RXRA: variants seen among roughly 807,000 people sequenced by gnomAD.
RXRA encodes the protein retinoid X receptor alpha, also known as retinoic acid receptor RXR-alpha.
Under a neutral mutation model 44.5 loss-of-function variants are expected in RXRA, and 5 were observed. The observed-to-expected ratio is 0.11, with a 90% confidence interval of 0.06 to 0.24. The LOEUF (loss-of-function observed/expected upper bound fraction) is 0.24. Among genes scored for constraint, RXRA ranks in the 10% least tolerant of loss-of-function variants. RXRA has a pLI of 1.00. For synonymous variants in RXRA, 291 were observed against 271.4 expected (o/e 1.07, Z -0.71); for missense variants, 412 against 646.5 (o/e 0.64, Z 3.93).
At chr9:134,347,862 TG>T (rs1221377782) in intron 1 of RXRA, among the ~76,000 whole-genome samples, 3 of 152,206 alleles carry the variant, frequency 2.0e-5, no homozygotes, top group Admixed American at 6.5e-5. Context: ...CCAGAGGTGC[TG>T]GGCCTGTCCT....
At chr9:134,341,207 C>T (rs1830081575) in intron 1 of RXRA, among the ~76,000 whole-genome samples, 1 of 152,230 alleles carries the variant, frequency 6.6e-6, no homozygotes, top group Non-Finnish European at 1.5e-5. Flanking sequence ...TCGTTCCCTG[C>T]ACCCCAGTGC....
intron 4 of RXRA, among the ~76,000 whole-genome samples, 183 bp downstream of exon 4, chr9:134,409,302 G>GCA (rs1831109398): frequency 6.6e-6 from 1 of 152,252 alleles, no homozygotes; most frequent in Admixed American, 6.5e-5. Flanking sequence ...CAGAGCGTGG[G>GCA]CACACATGGG....
intron 1 of RXRA, among the ~76,000 whole-genome samples, chr9:134,383,598 A>G (rs1339815903): frequency 2.6e-5 from 4 of 151,646 alleles, no homozygotes; most frequent in African/African-American, 9.7e-5. Flanking sequence ...GAGGCTTCGC[A>G]CCTCCCACTC....
chr9:134,355,080 G>A (rs1001703204), intron 1 of RXRA, among the ~76,000 whole-genome samples: 35 of 152,248 alleles, frequency 2.3e-4, no homozygotes, highest in Admixed American at 1.6e-3. Flanking sequence ...GGGATGCGGT[G>A]GCTCAGCTCC....
At position 134,343,900 on chromosome 9, in the gene RXRA, C is replaced by T. The variant is rs573010705; in HGVS notation, c.28+17241C>T. Among the ~76,000 whole-genome samples, 17 of 152,294 alleles carry T rather than the reference C, an allele frequency of 1.1e-4. No individual in the cohort carries two copies. Among genetic ancestry groups the T allele is most frequent in the African/African-American group, 3.1e-4 (13 of 41,568 alleles). On this transcript the variant is annotated intron_variant, in intron 1 of 9. Coordinates refer to ENST00000481739, the MANE Select transcript of RXRA (RefSeq NM_002957.6). This position sits in a 1 kb window ranked among gnomAD's most constrained non-coding sequence, Gnocchi z 4.1. ...CTCTGGCGTCTTCTCACCTTCTGGC[C>T]GGTCATTGGCCCTCGTGGCCCTACC...
chr9:134,356,288 C>T (rs1830282246), intron 1 of RXRA, among the ~76,000 whole-genome samples: 3 of 152,238 alleles, frequency 2.0e-5, no homozygotes, highest in South Asian at 2.1e-4. Context: ...TTGGGTAGGT[C>T]ACCTCATCAA....
rs746817210 is a variant in RXRA at position 134,431,955 on chromosome 9, C to G, written c.1094C>G (p.Thr365Arg). The change falls in exon 8 of 10, where the codon ACG (threonine) becomes AGG (arginine). Residue 365 changes from threonine (T) to arginine (R), a missense_variant. By Grantham distance (71) the Thr-to-Arg change is moderately conservative. Around this residue, in one of 4 missense-constraint regions of RXRA, gnomAD observed 141 missense variants for 270.8 expected, o/e 0.52. Transcript: ENST00000481739. ...ATGCGGGACATGCAGATGGACAAGA[C>G]GGAGCTGGGCTGCCTGCGCGCCATC... The part of the protein sequence containing the change: ...SKMRDMQMDK[T>R]ELGCLRAIVL... 1.2e-6 allele frequency: 2 copies of G among 1,613,860 alleles called. No individual in the cohort carries two copies. The highest frequency in any genetic ancestry group is 2.7e-5 in the African/African-American group (2 of 74,940).
intron 1 of RXRA, among the ~76,000 whole-genome samples, chr9:134,367,331 G>C (rs940493797): frequency 1.3e-5 from 2 of 152,184 alleles, no homozygotes; most frequent in African/African-American, 4.8e-5. Context: ...CTGCGGTGGG[G>C]GGGAGGGTGG....
chr9:134,367,516 A>G (rs1830429585), intron 1 of RXRA, among the ~76,000 whole-genome samples: 1 of 152,208 alleles, frequency 6.6e-6, no homozygotes, highest in African/African-American at 2.4e-5. Context: ...ACAGATGGGA[A>G]ACTGAGGTTC....
intron 1 of RXRA, among the ~76,000 whole-genome samples, chr9:134,344,520 A>T (rs1227519455): frequency 1.3e-5 from 2 of 152,226 alleles, no homozygotes; most frequent in African/African-American, 4.8e-5. Context: ...GTGGAAGTGG[A>T]GTCCTTGGTT....
rs145005704 is a variant in RXRA at position 134,437,505 on chromosome 9, G to A, written c.*891G>A. The stretch of plus-strand genomic sequence containing the variant: ...GGGCTGGCCCTGGCTCGGGCAGGGT[G>A]GGGCATCACCACCTCACTGGCCTTG... On this transcript the variant is annotated 3_prime_UTR_variant, in exon 10 of 10. Coordinates refer to ENST00000481739, the MANE Select transcript of RXRA (RefSeq NM_002957.6). The A allele has an allele frequency of 6.6e-6, 1 of 152,570 alleles. No homozygotes were observed. The highest frequency in any genetic ancestry group is 1.5e-5 in the Non-Finnish European group (1 of 68,242). The allele number at this position is 152,570 out of a possible 1,614,324, so 9.5% of individuals were successfully genotyped here.
Position 134,426,843 on chromosome 9 carries a change from C to T in RXRA, c.911-2265C>T. 1.0e-6 allele frequency: 1 copy of T among 985,400 alleles called. No individual in the cohort carries two copies. 61.0% of individuals were successfully genotyped at this position (985,400 alleles called of 1,614,324 possible). On this transcript the variant is annotated intron_variant, in intron 6 of 9. Transcript: ENST00000481739. This position sits in a 1 kb window ranked among gnomAD's most constrained non-coding sequence, Gnocchi z 4.6. ...GCCCCAGCCCAGATCTTGTCCTCGG[C>T]CCCCTGGGTCCCTGCCCTTGGCCAC...
At chr9:134,399,316 A>G (rs1588287349) in intron 1 of RXRA, among the ~76,000 whole-genome samples, 1 of 152,176 alleles carries the variant, frequency 6.6e-6, no homozygotes. Flanking sequence ...CTCATCACAC[A>G]CCTTCTCTAT....
chr9:134,408,313 G>C lies in RXRA; in HGVS notation c.430+14G>C, dbSNP rs1831090754. On this transcript the variant is annotated intron_variant, in intron 3 of 9. Transcript: ENST00000481739. ...ACCGCTCCTCAGGTACCGCTGCTGT[G>C]GGGGCCAGGGGCTGGTGGGACAGGG... 1 of 1,589,800 alleles carries C rather than the reference G, an allele frequency of 6.3e-7. No individual in the cohort carries two copies. Among genetic ancestry groups the C allele is most frequent in the Admixed American group, 1.8e-5 (1 of 56,514 alleles).
At chr9:134,379,232 C>G (rs1045005411) in intron 1 of RXRA, 1 of 944,276 alleles carries the variant, frequency 1.1e-6, no homozygotes, top group Non-Finnish European at 1.2e-6. Context: ...TTTCCTGATC[C>G]CTGTGGGCTC....
chr9:134,384,151 C>T (rs761207268), intron 1 of RXRA, among the ~76,000 whole-genome samples: 4 of 151,928 alleles, frequency 2.6e-5, no homozygotes, highest in East Asian at 1.9e-4. Context: ...CTGTCACCCC[C>T]GGGGGGAGTC....
intron 6 of RXRA, chr9:134,423,270 T>C (rs1482758308): frequency 2.2e-5 from 22 of 985,334 alleles, no homozygotes; most frequent in Non-Finnish European, 2.7e-5. Flanking sequence ...ATGGTGCTGG[T>C]CACTGTCCCA....
Position 134,434,217 on chromosome 9 carries a change from G to A in RXRA, c.1241+10G>A, listed in dbSNP as rs769848478. 56 of 1,598,160 alleles carry A rather than the reference G, an allele frequency of 3.5e-5. 1 individual carries two copies. The South Asian group carries it at 4.5e-4, about 13-fold the overall frequency. ...CAGAGCAGCCGGGAAGGTGGGTCCC[G>A]CCCCGTCCCACACACACCCCAGACC... On this transcript the variant is annotated intron_variant, in intron 9 of 9. Transcript: ENST00000481739.
chr9:134,345,887 C>T (rs1462404223), intron 1 of RXRA, among the ~76,000 whole-genome samples: 5 of 152,182 alleles, frequency 3.3e-5, no homozygotes, highest in African/African-American at 1.2e-4. Flanking sequence ...CCGGGTGGGA[C>T]TGTGGCTGCT....
Sources: gnomAD v4.1 joint callset for allele counts (sites outside exome capture counted in the v4.1 genomes callset) on GRCh38, gnomAD v4.1.1 for gene constraint, gnomAD v4.1.1 regional missense constraint, Gnocchi (gnomAD v3.1) non-coding constraint, MANE v1.5 for transcripts, NCBI Gene and HGNC (gene_info 2026-07-23, HGNC 2026-07-21) for gene names.